DLG2: variants seen among roughly 807,000 people sequenced by gnomAD.
DLG2 encodes the protein discs large MAGUK scaffold protein 2, also known as disks large homolog 2.
In DLG2, 45 loss-of-function variants were observed where a neutral mutation model predicts 132.5. That is an observed-to-expected ratio of 0.34 (90% confidence interval 0.27 to 0.44). The LOEUF (loss-of-function observed/expected upper bound fraction) is 0.44. Ranked by LOEUF, DLG2 falls within the 20% of genes least tolerant of loss-of-function variation. The pLI, the probability that DLG2 is intolerant of heterozygous loss-of-function variation, is 1.00. For synonymous variants in DLG2, 424 were observed against 419.6 expected (o/e 1.01, Z -0.13); for missense variants, 1,045 against 1,196.9 (o/e 0.87, Z 1.87).
At chr11:85,461,511 T>C (rs554518330) in intron 3 of DLG2, among the ~76,000 whole-genome samples, 67 of 152,358 alleles carry the variant, frequency 4.4e-4, no homozygotes, top group South Asian at 8.3e-4. Flanking sequence ...GTGGAGTATA[T>C]ACTGTAGCAA....
chr11:83,667,045 T>C (rs765447410), intron 18 of DLG2, among the ~76,000 whole-genome samples: 2 of 152,334 alleles, frequency 1.3e-5, no homozygotes, highest in African/African-American at 2.4e-5. Flanking sequence ...TATCTTTCCT[T>C]AGGCATGTTT....
At chr11:83,708,915 G>A (rs1451597328) in intron 18 of DLG2, among the ~76,000 whole-genome samples, 1 of 152,130 alleles carries the variant, frequency 6.6e-6, no homozygotes, top group Non-Finnish European at 1.5e-5. Context: ...TACTAGTTGA[G>A]TGATCTTGGA....
chr11:85,058,815 A>G (rs1408075877), intron 6 of DLG2, among the ~76,000 whole-genome samples: 1 of 151,482 alleles, frequency 6.6e-6, no homozygotes, highest in East Asian at 1.9e-4. Context: ...ATATATCCAT[A>G]TGAGGGAAAA....
chr11:84,447,883 G>A (rs948662236), intron 7 of DLG2, among the ~76,000 whole-genome samples: 17 of 152,058 alleles, frequency 1.1e-4, no homozygotes, highest in Non-Finnish European at 1.6e-4. Flanking sequence ...CAAAAGGAAC[G>A]TAGAGCTGGG....
At chr11:85,202,111 G>A (rs1272056441) in intron 4 of DLG2, among the ~76,000 whole-genome samples, 38 of 151,194 alleles carry the variant, frequency 2.5e-4, no homozygotes, top group Non-Finnish European at 4.4e-5. Context: ...CATTAAAGAG[G>A]GAATGGAGAA....
chr11:83,727,985 G>C (rs1324717159), intron 18 of DLG2, among the ~76,000 whole-genome samples: 2 of 152,116 alleles, frequency 1.3e-5, no homozygotes, highest in Non-Finnish European at 2.9e-5. Flanking sequence ...TAAAGTCTTT[G>C]GTTAGTGGTA....
intron 3 of DLG2, among the ~76,000 whole-genome samples, chr11:85,489,468 TC>T (rs2093507631): frequency 6.6e-6 from 1 of 152,000 alleles, no homozygotes; most frequent in African/African-American, 2.4e-5. Context: ...AGTGGGGACT[TC>T]AACACCCCCA....
At chr11:83,781,286 C>G (rs1300214856) in intron 18 of DLG2, among the ~76,000 whole-genome samples, 2 of 152,148 alleles carry the variant, frequency 1.3e-5, no homozygotes, top group Non-Finnish European at 2.9e-5. Flanking sequence ...CACCATGTGA[C>G]ACATTTTACA....
chr11:84,483,430 CAA>C (rs56086759), intron 7 of DLG2, among the ~76,000 whole-genome samples: 9 of 90,142 alleles, frequency 1.0e-4, no homozygotes, highest in East Asian at 6.8e-4. Flanking sequence ...GACTCCGCCT[CAA>C]AAAAAAAAAA....
intron 6 of DLG2, among the ~76,000 whole-genome samples, chr11:84,546,187 T>C (rs1198109893): frequency 2.0e-5 from 3 of 152,150 alleles, no homozygotes; most frequent in Admixed American, 6.6e-5. Flanking sequence ...GATTGGATCA[T>C]AGGGGTGGTT....
At position 83,980,646 on chromosome 11, in the gene DLG2, T is replaced by A; in HGVS notation, c.920-4A>T. 6.4e-7 allele frequency: 1 copy of A among 1,573,928 alleles called. No individual in the cohort carries two copies. Among genetic ancestry groups the A allele is most frequent in the Non-Finnish European group, 8.6e-7 (1 of 1,163,918 alleles). ...CCTGCAATACTGAAGCCTAAACCTA[T>A]AAGAAAGGAACAGAAAATGGAAAGC... is the stretch of plus-strand genomic sequence containing the variant. On this transcript the variant is annotated splice_region_variant and splice_polypyrimidine_tract_variant and intron_variant, in intron 11 of 27. Coordinates refer to ENST00000376104, the MANE Select transcript of DLG2 (RefSeq NM_001142699.3).
chr11:83,937,534 A>T (rs2081769134), intron 14 of DLG2, among the ~76,000 whole-genome samples: 1 of 151,474 alleles, frequency 6.6e-6, no homozygotes. Flanking sequence ...AAAAAAATTG[A>T]AACCACTGAA....
At chr11:84,855,780 C>T (rs1183766758) in intron 6 of DLG2, among the ~76,000 whole-genome samples, 1 of 151,974 alleles carries the variant, frequency 6.6e-6, no homozygotes, top group East Asian at 1.9e-4. Context: ...CATGCATGCA[C>T]TCAAAGAAAT....
intron 6 of DLG2, among the ~76,000 whole-genome samples, chr11:84,991,016 A>G (rs951726571): frequency 6.6e-6 from 1 of 152,234 alleles, no homozygotes; most frequent in Non-Finnish European, 1.5e-5. Context: ...TATCCACACC[A>G]TGGGATGCTA....
chr11:83,837,213 T>C (rs2154008330), intron 16 of DLG2, among the ~76,000 whole-genome samples: 1 of 152,258 alleles, frequency 6.6e-6, no homozygotes, highest in South Asian at 2.1e-4. Context: ...TTAAGCTTCT[T>C]GCTGGTTCCC....
chr11:84,396,762 T>G (rs1309183026), intron 7 of DLG2, among the ~76,000 whole-genome samples: 1 of 152,194 alleles, frequency 6.6e-6, no homozygotes, highest in African/African-American at 2.4e-5. Context: ...GGCATCGCAT[T>G]CCAGTGGACT....
chr11:84,575,884 G>A (rs2099498593), intron 6 of DLG2, among the ~76,000 whole-genome samples: 1 of 152,086 alleles, frequency 6.6e-6, no homozygotes, highest in Admixed American at 6.6e-5. Flanking sequence ...CTAAAGAGTG[G>A]AATCACTGGG....
chr11:84,519,264 C>A (rs1284313303), intron 7 of DLG2, among the ~76,000 whole-genome samples: 1 of 152,092 alleles, frequency 6.6e-6, no homozygotes, highest in Non-Finnish European at 1.5e-5. Context: ...AAGAGTCTAG[C>A]CACATATTGG....
intron 10 of DLG2, among the ~76,000 whole-genome samples, chr11:84,087,547 A>G (rs1312863697): frequency 6.6e-6 from 1 of 152,190 alleles, no homozygotes; most frequent in African/African-American, 2.4e-5. Context: ...TGAATATGTT[A>G]CTTTATATGG....
Sources: gnomAD v4.1 joint callset for allele counts (sites outside exome capture counted in the v4.1 genomes callset) on GRCh38, gnomAD v4.1.1 for gene constraint, MANE v1.5 for transcripts, NCBI Gene and HGNC (gene_info 2026-07-23, HGNC 2026-07-21) for gene names.